AGBL1: variants seen among roughly 807,000 people sequenced by gnomAD.
The protein encoded by AGBL1 is AGBL carboxypeptidase 1.
A neutral mutation model predicts 118.9 loss-of-function variants in AGBL1; 130 were observed. The ratio of observed to expected loss-of-function variants is 1.09; its 90% CI spans 0.95 to 1.26. AGBL1 has a LOEUF of 1.26. AGBL1 is among the 50% of genes most tolerant of loss of function. AGBL1 has a pLI of 0.00. For missense variants in AGBL1, 1,584 were observed against 1,298.1 expected (o/e 1.22, Z -3.38); for synonymous variants, 555 against 478.9 (o/e 1.16, Z -2.08).
chr15:86,155,422 C>T (rs1191821214), intron 4 of AGBL1, among the ~76,000 whole-genome samples: 2 of 152,070 alleles, frequency 1.3e-5, no homozygotes, highest in Non-Finnish European at 1.5e-5. Context: ...TGCACTCCAG[C>T]CTGGGTGACA....
At chr15:86,933,422 A>G (rs1277472304) in intron 23 of AGBL1, among the ~76,000 whole-genome samples, 1 of 152,170 alleles carries the variant, frequency 6.6e-6, no homozygotes, top group African/African-American at 2.4e-5. Flanking sequence ...TCTATAGCTC[A>G]TTACAGCTCA....
At chr15:86,647,009 GTCTTC>G (rs1175130217) in intron 21 of AGBL1, among the ~76,000 whole-genome samples, 2 of 151,408 alleles carry the variant, frequency 1.3e-5, no homozygotes, top group Non-Finnish European at 2.9e-5. Context: ...TTGTTTTGTT[GTCTTC>G]TCTTATGTGA....
At chr15:86,705,174 A>T (rs556963716) in intron 22 of AGBL1, among the ~76,000 whole-genome samples, 1 of 152,240 alleles carries the variant, frequency 6.6e-6, no homozygotes, top group East Asian at 1.9e-4. Flanking sequence ...ACTAGGACAA[A>T]TACCTAATGC....
At chr15:86,115,951 A>G (rs80002633) in intron 1 of AGBL1, among the ~76,000 whole-genome samples, 1,655 of 152,286 alleles carry the variant, frequency 0.011, 15 homozygotes, top group East Asian at 0.049. Flanking sequence ...GATTTCAGTC[A>G]TGTCATCCTA....
intron 22 of AGBL1, among the ~76,000 whole-genome samples, chr15:86,735,602 CTGTGTGTGTGTG>C (rs35147328): frequency 2.8e-5 from 4 of 141,916 alleles, no homozygotes; most frequent in South Asian, 2.3e-4. Flanking sequence ...GAGATACAGA[CTGTGTGTGTGTG>C]TGTGTGTGTG....
chr15:86,841,195 G>A (rs191260326), intron 22 of AGBL1, among the ~76,000 whole-genome samples: 1 of 152,234 alleles, frequency 6.6e-6, no homozygotes, highest in East Asian at 1.9e-4. Context: ...GAAGAAAGAT[G>A]GCAGTTGACC....
intron 21 of AGBL1, among the ~76,000 whole-genome samples, chr15:86,672,606 C>G (rs2085766666): frequency 6.6e-6 from 1 of 152,104 alleles, no homozygotes. Context: ...ACCTTCACTT[C>G]CAATCAAGCC....
chr15:86,769,566 T>G (rs1228285687), intron 22 of AGBL1, among the ~76,000 whole-genome samples: 2 of 152,022 alleles, frequency 1.3e-5, no homozygotes, highest in Admixed American at 6.6e-5. Context: ...ACCTTTCCAT[T>G]GTCCAGTTTG....
At chr15:86,124,498 T>G (rs367835336) in intron 1 of AGBL1, among the ~76,000 whole-genome samples, 9 of 152,242 alleles carry the variant, frequency 5.9e-5, no homozygotes, top group East Asian at 3.9e-4. Context: ...TTGTGCTACC[T>G]TTGTAACTTT....
intron 18 of AGBL1, among the ~76,000 whole-genome samples, chr15:86,471,069 G>A (rs1446165861): frequency 6.6e-6 from 1 of 152,086 alleles, no homozygotes; most frequent in East Asian, 1.9e-4. Flanking sequence ...TACTGAATAG[G>A]AGTAGTGAGA....
intron 22 of AGBL1, among the ~76,000 whole-genome samples, chr15:86,820,495 C>A (rs1183332739): frequency 6.6e-6 from 1 of 152,066 alleles, no homozygotes; most frequent in Non-Finnish European, 1.5e-5. Context: ...CATGAAAAAA[C>A]AACCCCATCC....
At chr15:86,483,102 C>T (rs1019416466) in intron 18 of AGBL1, among the ~76,000 whole-genome samples, 1 of 151,972 alleles carries the variant, frequency 6.6e-6, no homozygotes, top group African/African-American at 2.4e-5. Flanking sequence ...AAAGGAGAAA[C>T]ATGTATATGC....
At chr15:86,966,972 T>A (rs576705971) in intron 23 of AGBL1, among the ~76,000 whole-genome samples, 1 of 152,110 alleles carries the variant, frequency 6.6e-6, no homozygotes, top group Non-Finnish European at 1.5e-5. Context: ...TTTCTCCACA[T>A]CCTCTCCAGT....
intron 17 of AGBL1, among the ~76,000 whole-genome samples, chr15:86,339,003 T>A (rs1296776824): frequency 2.0e-5 from 3 of 152,194 alleles, no homozygotes; most frequent in South Asian, 2.1e-4. Context: ...AAGTGGGTGT[T>A]GAATTTTGTC....
intron 3 of AGBL1, 82 bp from the exon 4 acceptor site, chr15:86,154,348 C>T: frequency 6.9e-7 from 1 of 1,456,184 alleles, no homozygotes; most frequent in Admixed American, 2.2e-5. Flanking sequence ...CCTTCACCAT[C>T]TTCCCCTTCC....
chr15:86,999,081 C>T (rs1334522658), intron 24 of AGBL1, among the ~76,000 whole-genome samples: 2 of 151,212 alleles, frequency 1.3e-5, no homozygotes, highest in African/African-American at 2.4e-5. Context: ...GTTCAATTCC[C>T]ACCTATGAGT....
At chr15:86,167,533 G>T (rs939089106) in intron 5 of AGBL1, among the ~76,000 whole-genome samples, 3 of 152,192 alleles carry the variant, frequency 2.0e-5, no homozygotes, top group South Asian at 2.1e-4. Flanking sequence ...GGCGTGAACC[G>T]CCATGCCTGG....
At chr15:86,877,775 C>T (rs1428247999) in intron 22 of AGBL1, among the ~76,000 whole-genome samples, 1 of 152,208 alleles carries the variant, frequency 6.6e-6, no homozygotes, top group Non-Finnish European at 1.5e-5. Flanking sequence ...TCTCCGGACA[C>T]TCCTTTGGAT....
chr15:86,271,719 G>T lies in AGBL1; in HGVS notation c.2075+13G>T, dbSNP rs376996237. On this transcript the variant is annotated intron_variant, in intron 15 of 22. Transcript: ENST00000614907. Reference sequence around the variant, plus strand: ...TATGTTATTACAAGTAAGTTAGAGCGCTGTTAGCTTCCTTTTCTCTGTCCT... The same window carrying T: ...TATGTTATTACAAGTAAGTTAGAGCTCTGTTAGCTTCCTTTTCTCTGTCCT... 1.8e-5 allele frequency: 28 copies of T among 1,599,982 alleles called. No homozygotes were observed. In the African/African-American group the frequency reaches 3.5e-4, roughly 20 times the overall value.
Sources: gnomAD v4.1 joint callset for allele counts (sites outside exome capture counted in the v4.1 genomes callset) on GRCh38, gnomAD v4.1.1 for gene constraint, MANE v1.5 for transcripts, NCBI Gene and HGNC (gene_info 2026-07-23, HGNC 2026-07-21) for gene names.